Variants in PCSK2 observed in about 807,000 individuals in gnomAD.
The protein encoded by PCSK2 is neuroendocrine convertase 2.
A neutral mutation model predicts 69.7 loss-of-function variants in PCSK2; 14 were observed. The ratio of observed to expected loss-of-function variants is 0.20; its 90% CI spans 0.13 to 0.31. The LOEUF (loss-of-function observed/expected upper bound fraction) is 0.31. Among genes scored for constraint, PCSK2 ranks in the 10% least tolerant of loss-of-function variants. The probability of loss-of-function intolerance (pLI) is 1.00; values close to 1 mark genes in which losing one functional copy is unlikely to be tolerated. For missense variants in PCSK2, 544 were observed against 842.5 expected (o/e 0.65, Z 4.39); for synonymous variants, 307 against 320.7 (o/e 0.96, Z 0.46).
At chr20:17,327,278 T>C (rs1189029050) in intron 2 of PCSK2, among the ~76,000 whole-genome samples, 2 of 152,056 alleles carry the variant, frequency 1.3e-5, no homozygotes, top group Non-Finnish European at 2.9e-5. Context: ...GAAATCCATC[T>C]CCCTTGTAAA....
intron 11 of PCSK2, among the ~76,000 whole-genome samples, chr20:17,470,453 A>G (rs548182817): frequency 2.3e-4 from 35 of 152,300 alleles, no homozygotes; most frequent in African/African-American, 8.2e-4. Context: ...ATTTAATAAC[A>G]TAAACTCTAT....
At position 17,391,068 on chromosome 20, in the gene PCSK2, ATCT is replaced by A. The variant is rs1216492544; in HGVS notation, c.544-18189_544-18187del. ...ACTACGAGACGAATGTGTTTCCTTGATCTTCTTCAAATCCTTGTGTGAATATCC... is the reference window on the plus strand; with the variant it reads ...ACTACGAGACGAATGTGTTTCCTTGATCTTCAAATCCTTGTGTGAATATCC... On this transcript the variant is annotated intron_variant, in intron 5 of 11. Coordinates refer to ENST00000262545, the MANE Select transcript of PCSK2 (RefSeq NM_002594.5). Among the ~76,000 whole-genome samples, 5 of 152,298 alleles carry A rather than the reference ATCT, an allele frequency of 3.3e-5. No homozygotes were observed. The South Asian group carries it at 8.3e-4, about 25-fold the overall frequency.
chr20:17,450,114 G>A (rs902662594), intron 8 of PCSK2, among the ~76,000 whole-genome samples: 4 of 127,568 alleles, frequency 3.1e-5, no homozygotes, highest in Non-Finnish European at 6.2e-5. Flanking sequence ...TGCGGGCTCC[G>A]CCCCCTGGGG....
chr20:17,422,846 A>G (rs1352201865), intron 6 of PCSK2, among the ~76,000 whole-genome samples: 1 of 152,182 alleles, frequency 6.6e-6, no homozygotes, highest in Non-Finnish European at 1.5e-5. Flanking sequence ...AGGAACCCTA[A>G]TATATGATTA....
At chr20:17,309,680 T>G (rs1354248776) in intron 2 of PCSK2, among the ~76,000 whole-genome samples, 4 of 152,016 alleles carry the variant, frequency 2.6e-5, no homozygotes, top group African/African-American at 9.7e-5. Context: ...TAGCCAGGCC[T>G]GGTGGCAGGT....
At chr20:17,420,561 T>C (rs1358992926) in intron 6 of PCSK2, among the ~76,000 whole-genome samples, 1 of 151,954 alleles carries the variant, frequency 6.6e-6, no homozygotes, top group Admixed American at 6.6e-5. Context: ...CTAAAAGGAG[T>C]AGATGTAATA....
At chr20:17,368,152 C>A (rs1210743974) in intron 4 of PCSK2, among the ~76,000 whole-genome samples, 1 of 152,166 alleles carries the variant, frequency 6.6e-6, no homozygotes, top group Non-Finnish European at 1.5e-5. Context: ...TAATGGTGGC[C>A]TAGCCTTAGT....
At chr20:17,450,393 G>A (rs1168270638) in intron 8 of PCSK2, among the ~76,000 whole-genome samples, 1 of 152,156 alleles carries the variant, frequency 6.6e-6, no homozygotes, top group Non-Finnish European at 1.5e-5. Context: ...TGGCTGTGAA[G>A]ACTGAATAGG....
intron 2 of PCSK2, among the ~76,000 whole-genome samples, chr20:17,346,913 G>A (rs980409828): frequency 1.3e-5 from 2 of 152,018 alleles, no homozygotes; most frequent in Non-Finnish European, 2.9e-5. Context: ...TTGGCACCTC[G>A]CTCCACAAGA....
chr20:17,386,007 T>G (rs560746529), intron 5 of PCSK2, among the ~76,000 whole-genome samples: 1 of 152,322 alleles, frequency 6.6e-6, no homozygotes, highest in South Asian at 2.1e-4. Context: ...TGCTGACAGA[T>G]GGAAGTTGTG....
chr20:17,271,771 T>A (rs1050278718), intron 2 of PCSK2, among the ~76,000 whole-genome samples: 2 of 152,160 alleles, frequency 1.3e-5, no homozygotes, highest in East Asian at 1.9e-4. Context: ...AAGATTCTTT[T>A]ATCTTTTTAA....
chr20:17,481,475 G>T, intron 11 of PCSK2, 109 bp from the exon 12 acceptor site: 1 of 818,530 alleles, frequency 1.2e-6, no homozygotes, highest in Non-Finnish European at 1.9e-6. Flanking sequence ...AGGTCTGATT[G>T]ATCAACCCCA....
At chr20:17,260,533 C>T (rs1399298632) in intron 2 of PCSK2, among the ~76,000 whole-genome samples, 189 bp downstream of exon 2, 1 of 152,224 alleles carries the variant, frequency 6.6e-6, no homozygotes, top group Non-Finnish European at 1.5e-5. Flanking sequence ...TAAATAATCA[C>T]AGGCCCCTTT....
At chr20:17,232,901 G>T (rs1342657498) in intron 1 of PCSK2, among the ~76,000 whole-genome samples, 1 of 152,192 alleles carries the variant, frequency 6.6e-6, no homozygotes, top group African/African-American at 2.4e-5. Context: ...TTCCACAGTA[G>T]CTAAGGGAAA....
intron 2 of PCSK2, among the ~76,000 whole-genome samples, chr20:17,278,470 A>T (rs185862153): frequency 1.5e-4 from 23 of 152,264 alleles, no homozygotes; most frequent in Middle Eastern, 3.4e-3. Context: ...TATTGCAAGG[A>T]CTAAAAACCA....
intron 7 of PCSK2, among the ~76,000 whole-genome samples, chr20:17,436,073 C>T (rs1373799397): frequency 6.6e-6 from 1 of 152,218 alleles, no homozygotes; most frequent in Non-Finnish European, 1.5e-5. Flanking sequence ...ACAAACTTTA[C>T]AGCGATGCTA....
Position 17,409,482 on chromosome 20 carries a change from C to T in PCSK2, c.620+143C>T, listed in dbSNP as rs531072550. ...TTGTGATTTTTCTTCTTAGTGGTTACATTCTCTAAAGTGAAATTTTTAATA... is the reference window on the plus strand; with the variant it reads ...TTGTGATTTTTCTTCTTAGTGGTTATATTCTCTAAAGTGAAATTTTTAATA... On this transcript the variant is annotated intron_variant, in intron 6 of 11. Transcript: ENST00000262545. 24 of 623,136 alleles carry T rather than the reference C, an allele frequency of 3.9e-5. 1 individual carries two copies. In the South Asian group the frequency reaches 4.8e-4, roughly 12 times the overall value. 38.6% of individuals were successfully genotyped at this position (623,136 alleles called of 1,614,324 possible). A position where few individuals can be genotyped will look rare whatever the true frequency, so the allele number is the denominator to read the frequency against.
At chr20:17,331,775 A>G (rs1490420086) in intron 2 of PCSK2, among the ~76,000 whole-genome samples, 4 of 152,236 alleles carry the variant, frequency 2.6e-5, no homozygotes, top group Admixed American at 2.6e-4. Context: ...ATTAAAAAAA[A>G]AAAAACCTCT....
At chr20:17,345,688 C>T (rs1023692737) in intron 2 of PCSK2, among the ~76,000 whole-genome samples, 4 of 152,190 alleles carry the variant, frequency 2.6e-5, no homozygotes, top group African/African-American at 9.7e-5. Context: ...AGAAGCAAAC[C>T]ACCTCAGAAC....
Sources: gnomAD v4.1 joint callset for allele counts (sites outside exome capture counted in the v4.1 genomes callset) on GRCh38, gnomAD v4.1.1 for gene constraint, MANE v1.5 for transcripts, NCBI Gene and HGNC (gene_info 2026-07-23, HGNC 2026-07-21) for gene names.